Variants in MAP7 observed in about 807,000 individuals in gnomAD.
MAP7 encodes the protein ensconsin.
In MAP7, 52 loss-of-function variants were observed where a neutral mutation model predicts 94.8. The observed-to-expected ratio is 0.55, with a 90% CI of 0.44 to 0.69. The LOEUF (loss-of-function observed/expected upper bound fraction) is 0.69, where lower values mean the gene tolerates loss of function less well. Among genes scored for constraint, MAP7 ranks in the 30% least tolerant of loss-of-function variants. MAP7 has a pLI of 0.00. For missense variants in MAP7, 940 were observed against 964.6 expected (o/e 0.97, Z 0.34); for synonymous variants, 350 against 357.0 (o/e 0.98, Z 0.22).
intron 5 of MAP7, among the ~76,000 whole-genome samples, chr6:136,387,758 G>A (rs1414279992): frequency 2.0e-5 from 3 of 151,680 alleles, no homozygotes; most frequent in Non-Finnish European, 2.9e-5. Context: ...AAAAAAAAAA[G>A]GTTATCAGAT....
chr6:136,473,694 A>G (rs1052646835), intron 1 of MAP7, among the ~76,000 whole-genome samples: 3 of 152,206 alleles, frequency 2.0e-5, no homozygotes, highest in African/African-American at 7.2e-5. Flanking sequence ...GAGTTGTACA[A>G]ACTTTATCAA....
chr6:136,456,022 G>C (rs926530522), intron 1 of MAP7, among the ~76,000 whole-genome samples: 3 of 152,064 alleles, frequency 2.0e-5, no homozygotes, highest in Non-Finnish European at 4.4e-5. Flanking sequence ...CCCATAACTT[G>C]CTTACCCAGC....
chr6:136,497,298 A>C (rs1175002645), intron 1 of MAP7, among the ~76,000 whole-genome samples: 1 of 152,016 alleles, frequency 6.6e-6, no homozygotes, highest in Non-Finnish European at 1.5e-5. Context: ...TTTTGCCCAC[A>C]AGAAAATTCC....
At chr6:136,420,170 T>C (rs1790833105) in intron 2 of MAP7, 10 of 955,168 alleles carry the variant, frequency 1.0e-5, no homozygotes, top group South Asian at 1.3e-5. Context: ...TTCATTGTTA[T>C]CTGCAGTGGG....
At chr6:136,435,403 C>T (rs184955959) in intron 1 of MAP7, among the ~76,000 whole-genome samples, 83 of 152,250 alleles carry the variant, frequency 5.5e-4, no homozygotes, top group South Asian at 5.4e-3. Context: ...GAATCATTAT[C>T]GGAAAGGAAG....
At chr6:136,469,382 CTCTT>C (rs1054916092) in intron 1 of MAP7, among the ~76,000 whole-genome samples, 2 of 148,822 alleles carry the variant, frequency 1.3e-5, no homozygotes, top group African/African-American at 4.9e-5. Context: ...TTCTTTCTCT[CTCTT>C]TCTCTCTTTT....
chr6:136,495,886 G>T (rs546014001), intron 1 of MAP7, among the ~76,000 whole-genome samples: 18 of 152,106 alleles, frequency 1.2e-4, no homozygotes, highest in African/African-American at 4.3e-4. Flanking sequence ...TCAAAACAAA[G>T]AAAAATTAAA....
rs1042527878 is a variant in MAP7 at position 136,550,042 on chromosome 6, G to T, written c.67+300C>A. 1.3e-5 allele frequency among the ~76,000 whole-genome samples: 2 copies of T among 152,034 alleles called. No homozygotes were observed. Among genetic ancestry groups the T allele is most frequent in the Non-Finnish European group, 2.9e-5 (2 of 67,944 alleles). On this transcript the variant is annotated intron_variant, in intron 1 of 17. Transcript: ENST00000354570. This position sits in a 1 kb window ranked among gnomAD's most constrained non-coding sequence, Gnocchi z 5.1. ...CCGCGGCGGGGAGGGCAGCGGCCGG[G>T]GTCTCTCCGTTTCCTCCCCCGGCTC...
intron 1 of MAP7, among the ~76,000 whole-genome samples, chr6:136,509,754 A>G (rs1822686173): frequency 6.6e-6 from 1 of 152,004 alleles, no homozygotes; most frequent in Non-Finnish European, 1.5e-5. Flanking sequence ...ATGGAGTATC[A>G]CGATGTTGCC....
chr6:136,409,750 C>T (rs573151422), intron 3 of MAP7, among the ~76,000 whole-genome samples: 65 of 152,226 alleles, frequency 4.3e-4, no homozygotes, highest in African/African-American at 1.5e-3. Context: ...TTAATAGTTG[C>T]TACTTGTTTA....
chr6:136,522,315 C>T (rs1826617544), intron 1 of MAP7, among the ~76,000 whole-genome samples: 1 of 152,004 alleles, frequency 6.6e-6, no homozygotes, highest in Non-Finnish European at 1.5e-5. Context: ...CATTACACTC[C>T]TACCGATTAC....
In MAP7 at chr6:136,504,168, T is replaced by C. The variant is rs202171613; in HGVS notation, c.67+46174A>G. On this transcript the variant is annotated intron_variant, in intron 1 of 17. Coordinates refer to ENST00000354570, the MANE Select transcript of MAP7 (RefSeq NM_003980.6). ...AAGCACACAAATGATGTATTATTTA[T>C]AGATATATATATGTGGTAAAATTAC... 9.9e-5 allele frequency among the ~76,000 whole-genome samples: 15 copies of C among 152,230 alleles called. No homozygotes were observed. In the East Asian group the frequency reaches 2.7e-3, roughly 27 times the overall value.
chr6:136,427,991 C>G (rs578184349), intron 1 of MAP7, among the ~76,000 whole-genome samples: 75 of 152,222 alleles, frequency 4.9e-4, no homozygotes, highest in Non-Finnish European at 9.1e-4. Context: ...AGTACAAACC[C>G]AACAAAAGAC....
intron 16 of MAP7, among the ~76,000 whole-genome samples, chr6:136,346,790 T>TA (rs1042273728): frequency 2.6e-5 from 4 of 151,898 alleles, no homozygotes; most frequent in African/African-American, 9.7e-5. Context: ...GAGGGGGGAG[T>TA]AAATGATTTG....
At chr6:136,539,154 A>G (rs1426350836) in intron 1 of MAP7, among the ~76,000 whole-genome samples, 4 of 152,258 alleles carry the variant, frequency 2.6e-5, no homozygotes, top group Non-Finnish European at 5.9e-5. Flanking sequence ...GACAAGAACC[A>G]TAACAAACAC....
chr6:136,417,779 T>A (rs1025243924), intron 2 of MAP7, among the ~76,000 whole-genome samples: 3 of 152,158 alleles, frequency 2.0e-5, no homozygotes, highest in Admixed American at 6.5e-5. Context: ...AATTGCACCG[T>A]GTGGCATCAG....
chr6:136,526,031 C>T, intron 1 of MAP7: 6 of 1,456,940 alleles, frequency 4.1e-6, no homozygotes, highest in Non-Finnish European at 5.4e-6. Context: ...TATGTAATTG[C>T]AGCTCCCAGG....
intron 5 of MAP7, among the ~76,000 whole-genome samples, chr6:136,386,995 T>C (rs1054847642): frequency 5.3e-5 from 8 of 151,828 alleles, no homozygotes; most frequent in Non-Finnish European, 8.8e-5. Flanking sequence ...AAAGAATTTT[T>C]TGTAGAGATG....
intron 1 of MAP7, among the ~76,000 whole-genome samples, chr6:136,451,872 C>A (rs1156875611): frequency 1.3e-5 from 2 of 152,138 alleles, no homozygotes; most frequent in Non-Finnish European, 2.9e-5. Context: ...GAAGGAAAAT[C>A]TGAATACTGA....
Sources: allele counts gnomAD v4.1 joint callset (sites outside exome capture counted in the v4.1 genomes callset), GRCh38; gene constraint gnomAD v4.1.1; non-coding constraint Gnocchi (gnomAD v3.1); transcripts MANE v1.5; gene names NCBI Gene and HGNC (gene_info 2026-07-23, HGNC 2026-07-21).